Variants in IP6K3 observed in about 807,000 individuals in gnomAD.
The protein encoded by IP6K3 is inositol hexakisphosphate kinase 3.
A neutral mutation model predicts 28.8 loss-of-function variants in IP6K3; 20 were observed. That is an observed-to-expected ratio of 0.70 (90% CI 0.49 to 1.01). The LOEUF (loss-of-function observed/expected upper bound fraction) is 1.01, where lower values mean the gene tolerates loss of function less well. IP6K3 is among the 50% of genes least tolerant of loss of function. The probability of loss-of-function intolerance (pLI) is 0.00; values close to 1 mark genes in which losing one functional copy is unlikely to be tolerated. For synonymous variants in IP6K3, 213 were observed against 221.3 expected, an observed-to-expected ratio of 0.96 and a Z score of 0.33; for missense variants, 480 against 537.1, an observed-to-expected ratio of 0.89 and a Z score of 1.05.
chr6:33,722,881 C>T lies in IP6K3; in HGVS notation c.1072G>A (p.Gly358Ser), dbSNP rs375386513. The T allele has an allele frequency of 5.1e-5, 83 of 1,614,116 alleles. No individual in the cohort carries two copies. The highest frequency in any genetic ancestry group is 4.9e-4 in the Middle Eastern group (3 of 6,062). ...CGGATGTCAACCTTGGTGAGACCAC[C>T]GGGAGAGCTACCGTGGGCTGCCTGG... ...APQAAHGSSP[G>S]GLTKVDIRMI... Residue 358 changes from glycine to serine, a missense_variant, in exon 6 of 6, where the codon GGT becomes AGT. Coordinates refer to ENST00000293756, the MANE Select transcript of IP6K3 (RefSeq NM_054111.5).
At chr6:33,759,474 C>T in the IP6K3 span, among the ~76,000 whole-genome samples, 1 of 152,222 alleles carries the variant, frequency 6.6e-6, no homozygotes, top group African/African-American at 2.4e-5. Context: ...AAGCGATCCA[C>T]CCGCCTTGGC....
chr6:33,741,843 C>T (rs1327527110), intron 1 of IP6K3, among the ~76,000 whole-genome samples: 16 of 151,500 alleles, frequency 1.1e-4, no homozygotes, highest in South Asian at 2.1e-4. Flanking sequence ...CCCAGCTACT[C>T]GGGAGGCTGA....
chr6:33,725,736 C>A, intron 4 of IP6K3, 120 bp from the exon 5 acceptor site: 1 of 759,384 alleles, frequency 1.3e-6, no homozygotes, highest in Non-Finnish European at 2.1e-6. Context: ...TTCTTCACTC[C>A]CATTGCCTTC....
chr6:33,756,095 C>G, the IP6K3 span, among the ~76,000 whole-genome samples: 3 of 152,158 alleles, frequency 2.0e-5, no homozygotes, highest in Non-Finnish European at 4.4e-5. Context: ...AACTCCTGAC[C>G]TCAGGTGATC....
Position 33,728,361 on chromosome 6 carries a change from G to A in IP6K3, c.200-61C>T, listed in dbSNP as rs916163422. 3.4e-6 allele frequency: 5 copies of A among 1,479,144 alleles called. No individual in the cohort carries two copies. In the Admixed American group the frequency reaches 5.1e-5, roughly 15 times the overall value. 91.6% of individuals were successfully genotyped at this position (1,479,144 alleles called of 1,614,324 possible). ...GTTGAGAGAGCCTCCACACGGACAT[G>A]CAGGAGTGATGACGAGTTGGGAATT... On this transcript the variant is annotated intron_variant, in intron 2 of 5. Transcript: ENST00000293756.
chr6:33,734,427 C>T (rs1247879715), intron 2 of IP6K3, among the ~76,000 whole-genome samples: 1 of 152,190 alleles, frequency 6.6e-6, no homozygotes, highest in Non-Finnish European at 1.5e-5. Flanking sequence ...GTGTTTTTGA[C>T]TGACTTATTT....
At chr6:33,737,756 C>T (rs1008133467) in intron 1 of IP6K3, among the ~76,000 whole-genome samples, 3 of 148,806 alleles carry the variant, frequency 2.0e-5, no homozygotes, top group African/African-American at 7.3e-5. Context: ...TGGCTGGCTG[C>T]GTAGCTGGAG....
In IP6K3 at chr6:33,746,687, C is replaced by T. The variant is rs1338992805; in HGVS notation, c.-180+71G>A. 2 of 152,318 alleles carry T rather than the reference C, an allele frequency of 1.3e-5. No homozygotes were observed. The highest frequency in any genetic ancestry group is 2.4e-5 in the African/African-American group (1 of 41,436). 9.4% of individuals were successfully genotyped at this position (152,318 alleles called of 1,614,324 possible). On this transcript the variant is annotated intron_variant, in intron 1 of 5. Transcript: ENST00000293756. This position sits in a 1 kb window ranked among gnomAD's most constrained non-coding sequence, Gnocchi z 6.5. The stretch of plus-strand genomic sequence containing the variant: ...AGACAGGCCCTGTGAACACGAGACC[C>T]TCTCTCCCCTCAGTCAGGCCCCGTC...
chr6:33,761,770 GTC>G, the IP6K3 span, among the ~76,000 whole-genome samples: 5 of 152,082 alleles, frequency 3.3e-5, no homozygotes, highest in East Asian at 5.8e-4. Flanking sequence ...AAGCCTGGGT[GTC>G]TCTGTCTGGC....
chr6:33,758,835 G>A, the IP6K3 span, among the ~76,000 whole-genome samples: 1 of 152,180 alleles, frequency 6.6e-6, no homozygotes, highest in Non-Finnish European at 1.5e-5. Context: ...CTGACCTCAA[G>A]GGATCCACCT....
At chr6:33,730,496 C>G (rs983223446) in intron 2 of IP6K3, among the ~76,000 whole-genome samples, 5 of 152,196 alleles carry the variant, frequency 3.3e-5, no homozygotes, top group Admixed American at 2.6e-4. Context: ...TGTCCCTGAA[C>G]CTGGCATTTT....
the IP6K3 span, among the ~76,000 whole-genome samples, chr6:33,754,058 C>T: frequency 1.3e-5 from 2 of 152,300 alleles, no homozygotes; most frequent in African/African-American, 4.8e-5. Flanking sequence ...ATCTGCCTGC[C>T]TCGGCCTCCC....
In IP6K3 at chr6:33,726,872, G is replaced by C. The variant is rs1766136966; in HGVS notation, c.448C>G (p.Leu150Val). ...ACCAGCGAGAAGGCTGGAGTGTTGA[G>C]GTGGGGCTCGGACCTCAGAAGAGCC... is the stretch of plus-strand genomic sequence containing the variant. Reference protein sequence around the residue: ...AKALLRSEPHLNTPAFSLVED... With the variant: ...AKALLRSEPHVNTPAFSLVED... The change falls in exon 4 of 6, where the codon CTC becomes GTC. Residue 150 changes from leucine (L) to valine (V), a missense_variant. Coordinates refer to ENST00000293756, the MANE Select transcript of IP6K3 (RefSeq NM_054111.5). The C allele has an allele frequency of 6.2e-7, 1 of 1,611,478 alleles. No homozygotes were observed. Among genetic ancestry groups the C allele is most frequent in the Admixed American group, 1.7e-5 (1 of 59,902 alleles).
At chr6:33,734,064 A>G (rs1209715858) in intron 2 of IP6K3, among the ~76,000 whole-genome samples, 1 of 152,072 alleles carries the variant, frequency 6.6e-6, no homozygotes, top group Non-Finnish European at 1.5e-5. Flanking sequence ...TTGGCCGAGC[A>G]TGGTGGCAGG....
chr6:33,742,335 A>G lies in IP6K3; in HGVS notation c.-180+4423T>C, dbSNP rs1321919539. Among the ~76,000 whole-genome samples, 1 of 152,154 alleles carries G rather than the reference A, an allele frequency of 6.6e-6. No individual in the cohort carries two copies. Among genetic ancestry groups the G allele is most frequent in the South Asian group, 2.1e-4 (1 of 4,830 alleles). ...CTCGGAGACCCAGGACCAAGACCCA[A>G]GTCAGGCTCTTAGGGCCAGGGTGCT... On this transcript the variant is annotated intron_variant, in intron 1 of 5. Transcript: ENST00000293756. The surrounding 1 kb of genome is among the most constrained non-coding windows in gnomAD (Gnocchi z 4.5).
At position 33,746,267 on chromosome 6, in the gene IP6K3, C is replaced by T. The variant is rs575779863; in HGVS notation, c.-180+491G>A. Among the ~76,000 whole-genome samples the T allele has an allele frequency of 6.6e-6, 1 of 152,276 alleles. No homozygotes were observed. The highest frequency in any genetic ancestry group is 1.9e-4 in the East Asian group (1 of 5,180). On this transcript the variant is annotated intron_variant, in intron 1 of 5. Transcript: ENST00000293756. This position sits in a 1 kb window ranked among gnomAD's most constrained non-coding sequence, Gnocchi z 6.5. ...CTGATGTCATCCAGCCTGGTGCCGGCCTCCTGCCCCCTCCCGTGGAAAGCT... is the reference window on the plus strand; with the variant it reads ...CTGATGTCATCCAGCCTGGTGCCGGTCTCCTGCCCCCTCCCGTGGAAAGCT...
the IP6K3 span, among the ~76,000 whole-genome samples, chr6:33,754,394 G>C: frequency 6.6e-6 from 1 of 152,196 alleles, no homozygotes; most frequent in African/African-American, 2.4e-5. Context: ...GCGGCCACGC[G>C]TGTTATTTAT....
chr6:33,744,959 C>A lies in IP6K3; in HGVS notation c.-180+1799G>T, dbSNP rs1766853029. ...ATGGGGTCTCCAGCGATCTCCACCC[C>A]ATCTGTCCATCCCGCCCAGGCTGTG... On this transcript the variant is annotated intron_variant, in intron 1 of 5. Transcript: ENST00000293756. The surrounding 1 kb of genome is among the most constrained non-coding windows in gnomAD (Gnocchi z 4.4). Among the ~76,000 whole-genome samples the A allele has an allele frequency of 6.6e-6, 1 of 152,210 alleles. No homozygotes were observed. The highest frequency in any genetic ancestry group is 6.5e-5 in the Admixed American group (1 of 15,288).
At chr6:33,728,501 C>T (rs188922862) in intron 2 of IP6K3, among the ~76,000 whole-genome samples, 12 of 152,330 alleles carry the variant, frequency 7.9e-5, no homozygotes, top group Admixed American at 1.3e-4. Context: ...AGCCCTGGAG[C>T]TTGGAGAAAA....
Sources: allele counts gnomAD v4.1 joint callset (sites outside exome capture counted in the v4.1 genomes callset), GRCh38; gene constraint gnomAD v4.1.1; non-coding constraint Gnocchi (gnomAD v3.1); transcripts MANE v1.5; gene names NCBI Gene and HGNC (gene_info 2026-07-23, HGNC 2026-07-21).